Variants in ARID1A observed in about 807,000 individuals in gnomAD.
ARID1A encodes AT-rich interactive domain-containing protein 1A.
ARID1A carries 20 observed loss-of-function variants against 212.6 expected under a neutral mutation model. The ratio of observed to expected loss-of-function variants is 0.09; its 90% CI spans 0.07 to 0.14. The LOEUF (loss-of-function observed/expected upper bound fraction) is 0.14. Ranked by LOEUF, ARID1A falls within the 10% of genes least tolerant of loss-of-function variation. The pLI is 1.00. For synonymous variants in ARID1A, 1,376 were observed against 1,222.1 expected, an observed-to-expected ratio of 1.13 and a Z score of -2.63; for missense variants, 2,587 against 3,059.0, an observed-to-expected ratio of 0.85 and a Z score of 3.64.
chr1:26,724,032 G>A (rs1450558331), intron 1 of ARID1A, among the ~76,000 whole-genome samples: 2 of 152,244 alleles, frequency 1.3e-5, no homozygotes, highest in South Asian at 4.2e-4. Flanking sequence ...GTTAATTACT[G>A]TGGGAATCAA....
intron 10 of ARID1A, among the ~76,000 whole-genome samples, chr1:26,767,587 T>G (rs753961859): frequency 6.6e-6 from 1 of 152,146 alleles, no homozygotes; most frequent in Non-Finnish European, 1.5e-5. Context: ...ACATAACATA[T>G]ATTTAGTGTT....
rs2124081695 is a variant in ARID1A at position 26,766,505 on chromosome 1, C to T, written c.2927C>T (p.Thr976Ile). Residue 976 changes from threonine to isoleucine, a missense_variant, in exon 10 of 20, where the codon ACT becomes ATT. Coordinates refer to ENST00000324856, the MANE Select transcript of ARID1A (RefSeq NM_006015.6). ...EMMGLGDVKL[T>I]PATKMNNKAD... ...ATGGGCCTTGGGGATGTAAAGTTAA[C>T]TCCAGCCACCAAAATGAACAACAAG... is the stretch of plus-strand genomic sequence containing the variant. The T allele has an allele frequency of 6.2e-7, 1 of 1,614,092 alleles. No individual in the cohort carries two copies. Among genetic ancestry groups the T allele is most frequent in the African/African-American group, 1.3e-5 (1 of 75,044 alleles).
At chr1:26,723,981 T>C (rs989534851) in intron 1 of ARID1A, among the ~76,000 whole-genome samples, 1 of 152,202 alleles carries the variant, frequency 6.6e-6, no homozygotes, top group African/African-American at 2.4e-5. Context: ...TAAATAGCAG[T>C]GCCGACTTCC....
At position 26,725,774 on chromosome 1, in the gene ARID1A, A is replaced by G. The variant is rs927379561; in HGVS notation, c.1138-3877A>G. Among the ~76,000 whole-genome samples, 14 of 151,446 alleles carry G rather than the reference A, an allele frequency of 9.2e-5. No homozygotes were observed. In the East Asian group the frequency reaches 2.7e-3, roughly 29 times the overall value. On this transcript the variant is annotated intron_variant, in intron 1 of 19. Coordinates refer to ENST00000324856, the MANE Select transcript of ARID1A (RefSeq NM_006015.6). ...CCTCCGTGTGAGAGAGGAAAAGGTG[A>G]CTTGTCCTTAGCCTTTTGTTTTTAA...
chr1:26,729,716 C>T lies in ARID1A; in HGVS notation c.1203C>T (p.Tyr401=), dbSNP rs775124042. ...AGCCATATGGCGGGACTAACCCATACTCGCAGCAACAGGGACCTCCGTCAG... is the reference window on the plus strand; with the variant it reads ...AGCCATATGGCGGGACTAACCCATATTCGCAGCAACAGGGACCTCCGTCAG... ...RPQPYGGTNP[Y]SQQQGPPSGP... is the part of the protein sequence containing the mutation. Residue 401 remains tyrosine (Y), a synonymous_variant, in exon 2 of 20, where the codon TAC becomes TAT. Coordinates refer to ENST00000324856, the MANE Select transcript of ARID1A (RefSeq NM_006015.6). 1.2e-6 allele frequency: 2 copies of T among 1,614,258 alleles called. No homozygotes were observed. Among genetic ancestry groups the T allele is most frequent in the South Asian group, 2.2e-5 (2 of 91,092 alleles).
rs2124055332 is a variant in ARID1A at position 26,760,969 on chromosome 1, G to A, written c.2034G>A (p.Gln678=). ...SSQGEQSNPA[Q]SPFSPHTSPH... ...AAGGAGAGCAGAGTAATCCAGCTCA[G>A]TCTCCTTTCTCTCCTCATACCTCCC... The change falls in exon 5 of 20, where the codon CAG becomes CAA. Residue 678 remains glutamine, a synonymous_variant. Coordinates refer to ENST00000324856, the MANE Select transcript of ARID1A (RefSeq NM_006015.6). 1 of 1,614,022 alleles carries A rather than the reference G, an allele frequency of 6.2e-7. No homozygotes were observed. The highest frequency in any genetic ancestry group is 8.5e-7 in the Non-Finnish European group (1 of 1,180,010).
At chr1:26,741,499 G>A (rs1168589871) in intron 4 of ARID1A, among the ~76,000 whole-genome samples, 1 of 152,156 alleles carries the variant, frequency 6.6e-6, no homozygotes, top group Non-Finnish European at 1.5e-5. Context: ...TAAGGCAGAT[G>A]GAAGAGGGAA....
In ARID1A at chr1:26,771,041, G is replaced by A. The variant is rs763149865; in HGVS notation, c.3199-78G>A. The A allele has an allele frequency of 2.1e-4, 273 of 1,324,986 alleles. 1 individual carries two copies. The South Asian group carries it at 2.7e-3, about 13-fold the overall frequency. 82.1% of individuals were successfully genotyped at this position (1,324,986 alleles called of 1,614,324 possible). A position where few individuals can be genotyped will look rare whatever the true frequency, so the allele number is the denominator to read the frequency against. On this transcript the variant is annotated intron_variant, in intron 11 of 19. Transcript: ENST00000324856. This position sits in a 1 kb window ranked among gnomAD's most constrained non-coding sequence, Gnocchi z 5.4. Reference sequence around the variant, plus strand: ...GTTCTACAAAGATGAATACCTTACAGCCTGATGGGGCTTGGGGCTTATGGG... The same window carrying A: ...GTTCTACAAAGATGAATACCTTACAACCTGATGGGGCTTGGGGCTTATGGG...
chr1:26,765,450 T>G (rs1455798935), intron 8 of ARID1A: 1 of 151,696 alleles, frequency 6.6e-6, no homozygotes. Flanking sequence ...ATCGCGCCAC[T>G]GCTCTCCAGC....
At chr1:26,766,072 G>A in intron 8 of ARID1A, 149 bp from the exon 9 acceptor site, 1 of 838,786 alleles carries the variant, frequency 1.2e-6, no homozygotes, top group South Asian at 2.0e-5. Context: ...AATAATATCT[G>A]GATGTTGCAT....
intron 1 of ARID1A, among the ~76,000 whole-genome samples, chr1:26,710,076 C>G (rs970393501): frequency 2.7e-5 from 4 of 148,448 alleles, no homozygotes; most frequent in Non-Finnish European, 4.5e-5. Flanking sequence ...AGGTAATCCA[C>G]CCACCTGGGC....
At chr1:26,777,586 C>T (rs1235310196) in intron 19 of ARID1A, among the ~76,000 whole-genome samples, 1 of 152,034 alleles carries the variant, frequency 6.6e-6, no homozygotes, top group African/African-American at 2.4e-5. Context: ...GTTGCCCAGG[C>T]TGGTCTCAAA....
rs2124144874 is a variant in ARID1A at position 26,779,898 on chromosome 1, G to A, written c.6000G>A (p.Glu2000=). Residue 2000 remains glutamate, a synonymous_variant, in exon 20 of 20, where the codon GAG becomes GAA. Coordinates refer to ENST00000324856, the MANE Select transcript of ARID1A (RefSeq NM_006015.6). ...SLSFVPGNDF[E]MSKHPGLLLI... is the part of the protein sequence containing the mutation. ...CATTTGTGCCAGGCAATGACTTTGA[G>A]ATGTCCAAACACCCAGGGCTGCTGC... The A allele has an allele frequency of 5.0e-6, 8 of 1,614,098 alleles. No individual in the cohort carries two copies. The highest frequency in any genetic ancestry group is 6.8e-6 in the Non-Finnish European group (8 of 1,180,020).
At position 26,762,247 on chromosome 1, in the gene ARID1A, A is replaced by G. The variant is rs200930418; in HGVS notation, c.2347A>G (p.Thr783Ala). Reference sequence around the variant, plus strand: ...TCAGCCTTCCGGAGGACAGATACACACAGGCATGGGCTCCTACCAGCAGAA... The same window carrying G: ...TCAGCCTTCCGGAGGACAGATACACGCAGGCATGGGCTCCTACCAGCAGAA... ...PRQPSGGQIH[T>A]GMGSYQQNSM... The change falls in exon 7 of 20, where the codon ACA becomes GCA. Residue 783 changes from threonine to alanine, a missense_variant. By Grantham distance (58) the Thr-to-Ala change is moderately conservative (BLOSUM62 0). This residue lies in a region of ARID1A where 674 missense variants were observed against 813.4 expected (regional missense o/e 0.83). Coordinates refer to ENST00000324856, the MANE Select transcript of ARID1A (RefSeq NM_006015.6). 15 of 1,614,142 alleles carry G rather than the reference A, an allele frequency of 9.3e-6. No individual in the cohort carries two copies. In the African/African-American group the frequency reaches 1.9e-4, roughly 20 times the overall value.
intron 18 of ARID1A, 66 bp downstream of exon 18, chr1:26,775,286 A>C (rs1164923872): frequency 3.1e-5 from 47 of 1,507,872 alleles, no homozygotes; most frequent in Non-Finnish European, 4.1e-5. Flanking sequence ...TGTTCCCTCC[A>C]CCTTACTATT....
intron 1 of ARID1A, among the ~76,000 whole-genome samples, chr1:26,709,327 C>T (rs777480991): frequency 6.6e-6 from 1 of 152,134 alleles, no homozygotes; most frequent in African/African-American, 2.4e-5. Flanking sequence ...AGAGTTGATA[C>T]CACTATTCCC....
At chr1:26,735,065 A>G (rs772568014) in intron 4 of ARID1A, among the ~76,000 whole-genome samples, 5 of 151,670 alleles carry the variant, frequency 3.3e-5, no homozygotes, top group African/African-American at 9.7e-5. Flanking sequence ...TGTTATCCCT[A>G]TATTTAAACC....
intron 1 of ARID1A, chr1:26,728,937 G>C (rs2080646082): frequency 6.6e-6 from 1 of 152,086 alleles, no homozygotes; most frequent in Non-Finnish European, 1.5e-5. Flanking sequence ...TTCATTATTG[G>C]TGCTAGCTGT....
At chr1:26,700,564 G>A (rs1186940388) in intron 1 of ARID1A, among the ~76,000 whole-genome samples, 1 of 152,144 alleles carries the variant, frequency 6.6e-6, no homozygotes, top group Non-Finnish European at 1.5e-5. Flanking sequence ...TTATTGGGAC[G>A]CTTTTTAGCA....
Sources: gnomAD v4.1 joint callset for allele counts (sites outside exome capture counted in the v4.1 genomes callset) on GRCh38, gnomAD v4.1.1 for gene constraint, gnomAD v4.1.1 regional missense constraint, Gnocchi (gnomAD v3.1) non-coding constraint, MANE v1.5 for transcripts, NCBI Gene and HGNC (gene_info 2026-07-23, HGNC 2026-07-21) for gene names.